Variants in SNX29 observed in about 807,000 individuals in gnomAD.
The protein encoded by SNX29 is sorting nexin 29.
Under a neutral mutation model 102.1 loss-of-function variants are expected in SNX29, and 78 were observed. The ratio of observed to expected loss-of-function variants is 0.76; its 90% CI spans 0.64 to 0.92. The LOEUF is 0.92. Among genes scored for constraint, SNX29 ranks in the 40% least tolerant of loss-of-function variants. SNX29 has a pLI of 0.00. For synonymous variants in SNX29, 580 were observed against 414.5 expected (o/e 1.40, Z -4.85); for missense variants, 1,280 against 1,061.7 (o/e 1.21, Z -2.86).
At chr16:12,540,277 A>G (rs372282029) in intron 20 of SNX29, among the ~76,000 whole-genome samples, 1 of 152,028 alleles carries the variant, frequency 6.6e-6, no homozygotes, top group East Asian at 1.9e-4. Flanking sequence ...TGGAGGGAGG[A>G]CAGGACTAGA....
chr16:12,298,261 A>G (rs371634044), intron 15 of SNX29, among the ~76,000 whole-genome samples: 1 of 152,218 alleles, frequency 6.6e-6, no homozygotes, highest in African/African-American at 2.4e-5. Flanking sequence ...GAGCAATGCA[A>G]TTCATAATGC....
intron 15 of SNX29, among the ~76,000 whole-genome samples, chr16:12,350,625 A>G (rs1489350620): frequency 1.3e-5 from 2 of 152,076 alleles, no homozygotes; most frequent in African/African-American, 4.8e-5. Context: ...CAAGTGGAGG[A>G]GCTTCTGCAA....
At chr16:12,062,145 G>A (rs767702456) in intron 9 of SNX29, among the ~76,000 whole-genome samples, 2 of 152,000 alleles carry the variant, frequency 1.3e-5, no homozygotes, top group Non-Finnish European at 2.9e-5. Context: ...TTGTGAAGCC[G>A]AGGCGGGTGG....
At chr16:12,468,213 T>C (rs1429283678) in intron 18 of SNX29, among the ~76,000 whole-genome samples, 2 of 134,766 alleles carry the variant, frequency 1.5e-5, no homozygotes, top group African/African-American at 5.7e-5. Flanking sequence ...GTTTTACTGT[T>C]TCCCAGGCTG....
chr16:12,361,882 C>G (rs1249176677), intron 16 of SNX29, among the ~76,000 whole-genome samples: 2 of 151,582 alleles, frequency 1.3e-5, no homozygotes, highest in Non-Finnish European at 2.9e-5. Context: ...TACCTGGAAT[C>G]TGTAACTGTT....
intron 16 of SNX29, among the ~76,000 whole-genome samples, chr16:12,364,151 C>T (rs1209265375): frequency 8.4e-6 from 1 of 119,310 alleles, no homozygotes; most frequent in Non-Finnish European, 1.7e-5. Flanking sequence ...CGCCACCAAG[C>T]CTGGCTTGTT....
At chr16:12,540,435 G>A (rs2077279128) in intron 20 of SNX29, among the ~76,000 whole-genome samples, 1 of 152,230 alleles carries the variant, frequency 6.6e-6, no homozygotes, top group Non-Finnish European at 1.5e-5. Flanking sequence ...TCCAGCTGCT[G>A]TGGAGGCCAG....
At chr16:12,420,637 G>A (rs1256205116) in intron 18 of SNX29, among the ~76,000 whole-genome samples, 5 of 152,206 alleles carry the variant, frequency 3.3e-5, no homozygotes, top group African/African-American at 1.2e-4. Context: ...CATACAAGGA[G>A]ATAATCATAG....
chr16:12,466,084 C>G (rs2087038258), intron 18 of SNX29, among the ~76,000 whole-genome samples: 1 of 152,200 alleles, frequency 6.6e-6, no homozygotes, highest in East Asian at 1.9e-4. Context: ...GGATGAAGAA[C>G]AAAACAACGA....
intron 3 of SNX29, among the ~76,000 whole-genome samples, chr16:12,021,412 C>T (rs1026583115): frequency 5.5e-5 from 8 of 145,824 alleles, no homozygotes; most frequent in Non-Finnish European, 1.1e-4. Context: ...GGCAACAGAG[C>T]GAGACTCTGA....
At chr16:12,532,750 G>A (rs2076965817) in intron 20 of SNX29, among the ~76,000 whole-genome samples, 1 of 152,156 alleles carries the variant, frequency 6.6e-6, no homozygotes, top group African/African-American at 2.4e-5. Flanking sequence ...GATGGAAGCT[G>A]GGGACAGGGC....
At chr16:12,057,460 G>A (rs752859012) in intron 8 of SNX29, among the ~76,000 whole-genome samples, 39 of 152,164 alleles carry the variant, frequency 2.6e-4, no homozygotes, top group Non-Finnish European at 4.7e-4. Flanking sequence ...TGAGCTGGGA[G>A]CAGTTGATAG....
At chr16:12,315,762 A>G (rs1351319956) in intron 15 of SNX29, among the ~76,000 whole-genome samples, 1 of 152,226 alleles carries the variant, frequency 6.6e-6, no homozygotes, top group East Asian at 1.9e-4. Context: ...GCCCTAACAG[A>G]CTAATACAGT....
In SNX29 at chr16:12,572,142, G is replaced by A. The variant is rs909487528; in HGVS notation, c.*3513G>A. 12 of 1,003,690 alleles carry A rather than the reference G, an allele frequency of 1.2e-5. No homozygotes were observed. The African/African-American group carries it at 1.8e-4, about 15-fold the overall frequency. The allele number at this position is 1,003,690 out of a possible 1,614,324, so 62.2% of individuals were successfully genotyped here. A position where few individuals can be genotyped will look rare whatever the true frequency, so the allele number is the denominator to read the frequency against. ...CCTTGGCCCTGCTTCATACTTTGGA[G>A]CTTATTAAGATCAATTTTGATAACC... is the stretch of plus-strand genomic sequence containing the variant. On this transcript the variant is annotated 3_prime_UTR_variant, in exon 21 of 21. Coordinates refer to ENST00000566228, the MANE Select transcript of SNX29 (RefSeq NM_032167.5).
rs1598140118 is a variant in SNX29 at position 12,571,425 on chromosome 16, G to A, written c.*2796G>A. On this transcript the variant is annotated 3_prime_UTR_variant, in exon 21 of 21. Transcript: ENST00000566228. ...GCACCTCACATCTGTCTTCTTCTAA[G>A]ATTACTCGGAGATTTTCAAACAACA... The A allele has an allele frequency of 4.3e-6, 1 of 233,990 alleles. No individual in the cohort carries two copies. Among genetic ancestry groups the A allele is most frequent in the East Asian group, 6.1e-5 (1 of 16,334 alleles). 14.5% of individuals were successfully genotyped at this position (233,990 alleles called of 1,614,324 possible).
Position 12,356,558 on chromosome 16 carries a change from C to G in SNX29, c.1899+279C>G, listed in dbSNP as rs1287209662. Among the ~76,000 whole-genome samples the G allele has an allele frequency of 2.6e-5, 4 of 152,228 alleles. No individual in the cohort carries two copies. In the East Asian group the frequency reaches 7.7e-4, roughly 29 times the overall value. ...CCCCCCGCAAACCCATCTTTCCATA[C>G]TTTACTACATGGGTAAATTTCCATG... On this transcript the variant is annotated intron_variant, in intron 16 of 20. Transcript: ENST00000566228.
intron 20 of SNX29, among the ~76,000 whole-genome samples, chr16:12,561,385 C>A (rs1277268840): frequency 2.0e-5 from 3 of 152,114 alleles, no homozygotes; most frequent in Non-Finnish European, 4.4e-5. Context: ...AAGATGCTGG[C>A]CACATCCCCG....
chr16:12,039,926 A>ATGTATAGTATTGTAACTAT (rs1567553790), intron 4 of SNX29, among the ~76,000 whole-genome samples: 5 of 152,360 alleles, frequency 3.3e-5, no homozygotes, highest in African/African-American at 1.2e-4. Context: ...TTACTGCAAT[A>ATGTATAGTATTGTAACTAT]GCTGGTGCAT....
At chr16:12,191,116 G>A (rs147651008) in intron 13 of SNX29, among the ~76,000 whole-genome samples, 1 of 152,146 alleles carries the variant, frequency 6.6e-6, no homozygotes, top group Non-Finnish European at 1.5e-5. Context: ...TCAGACATTA[G>A]ATTTTTATAG....
Sources: allele counts gnomAD v4.1 joint callset (sites outside exome capture counted in the v4.1 genomes callset), GRCh38; gene constraint gnomAD v4.1.1; transcripts MANE v1.5; gene names NCBI Gene and HGNC (gene_info 2026-07-23, HGNC 2026-07-21).